Variants in SPICE1 observed in about 807,000 individuals in gnomAD.
SPICE1 encodes the protein spindle and centriole associated protein 1.
In SPICE1, 75 loss-of-function variants were observed where a neutral mutation model predicts 102.7. The ratio of observed to expected loss-of-function variants is 0.73; its 90% CI spans 0.61 to 0.88. The LOEUF is 0.88. SPICE1 is among the 40% of genes least tolerant of loss of function. The pLI is 0.00. For synonymous variants in SPICE1, 308 were observed against 350.3 expected (o/e 0.88, Z 1.35); for missense variants, 979 against 1,020.1 (o/e 0.96, Z 0.55).
intron 9 of SPICE1, 130 bp downstream of exon 9, chr3:113,468,632 T>C: frequency 8.6e-7 from 1 of 1,168,010 alleles, no homozygotes; most frequent in Non-Finnish European, 1.2e-6. Flanking sequence ...ATTTCTTAGC[T>C]ACCATTCAAT....
intron 14 of SPICE1, among the ~76,000 whole-genome samples, chr3:113,452,659 G>C (rs531170870): frequency 1.7e-4 from 26 of 150,808 alleles, no homozygotes; most frequent in African/African-American, 6.1e-4. Flanking sequence ...GCTCCAGCCT[G>C]AGCAACAGAG....
At chr3:113,480,282 A>G (rs11719925) in intron 7 of SPICE1, among the ~76,000 whole-genome samples, 11,344 of 152,082 alleles carry the variant, frequency 0.075, 603 homozygotes, top group Non-Finnish European at 0.11. Context: ...ATCAGCCTCA[A>G]AAAACAGATA....
At chr3:113,477,062 T>C (rs1576634619) in intron 7 of SPICE1, among the ~76,000 whole-genome samples, 1 of 151,632 alleles carries the variant, frequency 6.6e-6, no homozygotes, top group Admixed American at 6.6e-5. Flanking sequence ...ATCCAGAATC[T>C]ACAAAGAACT....
Position 113,453,856 on chromosome 3 carries a change from T to A in SPICE1, c.1752A>T (p.Leu584Phe), listed in dbSNP as rs974620288. 1 of 1,614,086 alleles carries A rather than the reference T, an allele frequency of 6.2e-7. No individual in the cohort carries two copies. Among genetic ancestry groups the A allele is most frequent in the Admixed American group, 1.7e-5 (1 of 60,012 alleles). Residue 584 changes from leucine to phenylalanine, a missense_variant, in exon 14 of 18, where the codon TTA becomes TTT. Physicochemically the swap from Leu to Phe is conservative, Grantham distance 22. Coordinates refer to ENST00000295872, the MANE Select transcript of SPICE1 (RefSeq NM_144718.4). ...AATTCTGAATGTCTGTATCAATAGG[T>A]AAGGTCTTCTCTTCCCAATTTTGTT... ...EKEQNWEEKT[L>F]PIDTDIQNSS...
At chr3:113,480,410 A>G (rs1182063724) in intron 7 of SPICE1, among the ~76,000 whole-genome samples, 1 of 152,164 alleles carries the variant, frequency 6.6e-6, no homozygotes, top group Non-Finnish European at 1.5e-5. Context: ...GCAGACACAA[A>G]AAAACTACAG....
Position 113,460,569 on chromosome 3 carries a change from G to C in SPICE1, c.1435+48C>G. ...TTTAAGGTTTGGTTTGTTATCTAAG[G>C]CCATTAAGTAGTCTAATGACAGTCT... is the stretch of plus-strand genomic sequence containing the variant. On this transcript the variant is annotated intron_variant, in intron 12 of 17. Coordinates refer to ENST00000295872, the MANE Select transcript of SPICE1 (RefSeq NM_144718.4). The C allele has an allele frequency of 1.9e-6, 3 of 1,551,384 alleles. No individual in the cohort carries two copies. The South Asian group carries it at 3.9e-5, about 20-fold the overall frequency.
At chr3:113,469,029 A>C in intron 8 of SPICE1, 70 bp downstream of exon 8, 1 of 1,567,776 alleles carries the variant, frequency 6.4e-7, no homozygotes, top group Non-Finnish European at 8.6e-7. Context: ...ACATTCCTTC[A>C]AAAATTACTG....
chr3:113,506,740 C>A, intron 1 of SPICE1, 135 bp from the exon 2 acceptor site: 1 of 631,702 alleles, frequency 1.6e-6, no homozygotes, highest in Non-Finnish European at 2.7e-6. Context: ...ATGAAAGGAA[C>A]AGCCTATCAA....
chr3:113,454,336 T>C (rs1254198559), intron 13 of SPICE1, among the ~76,000 whole-genome samples: 2 of 152,126 alleles, frequency 1.3e-5, no homozygotes, highest in Non-Finnish European at 2.9e-5. Flanking sequence ...ACATATGTAA[T>C]AGGAACTGAG....
intron 13 of SPICE1, among the ~76,000 whole-genome samples, chr3:113,456,621 G>A (rs1251917554): frequency 6.6e-6 from 1 of 152,142 alleles, no homozygotes; most frequent in Non-Finnish European, 1.5e-5. Context: ...AGCTGCAAGA[G>A]TAACTCTAAA....
At chr3:113,505,683 T>C (rs1937094556) in intron 2 of SPICE1, among the ~76,000 whole-genome samples, 1 of 152,192 alleles carries the variant, frequency 6.6e-6, no homozygotes, top group Non-Finnish European at 1.5e-5. Flanking sequence ...CGAGGATCGC[T>C]TGAGGCTAGG....
chr3:113,452,239 T>C (rs1249609619), intron 14 of SPICE1, among the ~76,000 whole-genome samples: 1 of 152,210 alleles, frequency 6.6e-6, no homozygotes, highest in Non-Finnish European at 1.5e-5. Context: ...ACTCAAAGCG[T>C]GGTCCTCAGA....
intron 7 of SPICE1, among the ~76,000 whole-genome samples, chr3:113,477,728 C>A (rs1225457790): frequency 7.2e-6 from 1 of 138,572 alleles, no homozygotes; most frequent in African/African-American, 2.7e-5. Flanking sequence ...TAGGTGGGAA[C>A]TGAACAATGA....
chr3:113,457,236 C>G lies in SPICE1; in HGVS notation c.1557G>C (p.Met519Ile). Reference sequence around the variant, plus strand: ...GTGCTGGAAAATTCTTGGCCAGATTCATGTTATCTGGAGGGTCTGGCACCT... The same window carrying G: ...GTGCTGGAAAATTCTTGGCCAGATTGATGTTATCTGGAGGGTCTGGCACCT... Reference protein sequence around the residue: ...LSQVPDPPDNMNLAKNFPAHI... With the variant: ...LSQVPDPPDNINLAKNFPAHI... The change falls in exon 13 of 18, where the codon ATG becomes ATC. Residue 519 changes from methionine to isoleucine, a missense_variant. Physicochemically the swap from Met to Ile is conservative, Grantham distance 10 (BLOSUM62 1). Transcript: ENST00000295872. 6.2e-7 allele frequency: 1 copy of G among 1,614,144 alleles called. No individual in the cohort carries two copies. The highest frequency in any genetic ancestry group is 8.5e-7 in the Non-Finnish European group (1 of 1,180,034).
intron 7 of SPICE1, among the ~76,000 whole-genome samples, chr3:113,485,176 G>GTTT (rs1422898555): frequency 1.4e-5 from 2 of 139,530 alleles, no homozygotes; most frequent in African/African-American, 2.6e-5. Flanking sequence ...AGTTTTGTTT[G>GTTT]TTTTTTTTTT....
At chr3:113,513,912 G>C (rs1937273235) in intron 1 of SPICE1, among the ~76,000 whole-genome samples, 1 of 152,200 alleles carries the variant, frequency 6.6e-6, no homozygotes, top group Non-Finnish European at 1.5e-5. Context: ...GAGTTTCTAA[G>C]AGGACCGCAA....
chr3:113,514,595 A>G (rs766834004), intron 1 of SPICE1: 4 of 461,506 alleles, frequency 8.7e-6, no homozygotes, highest in Non-Finnish European at 1.7e-5. Flanking sequence ...CTCTGCTTGG[A>G]ACACTCATTA....
Position 113,443,086 on chromosome 3 carries a change from A to G in SPICE1, c.*2221T>C, listed in dbSNP as rs1272430992. On this transcript the variant is annotated 3_prime_UTR_variant, in exon 18 of 18. Coordinates refer to ENST00000295872, the MANE Select transcript of SPICE1 (RefSeq NM_144718.4). Reference sequence around the variant, plus strand: ...CTTAAAAATTGGAAACATGGGGGAAATAGTGTATTTATTTATTTATATACC... The same window carrying G: ...CTTAAAAATTGGAAACATGGGGGAAGTAGTGTATTTATTTATTTATATACC... The G allele has an allele frequency of 6.6e-6, 1 of 152,240 alleles. No homozygotes were observed. The highest frequency in any genetic ancestry group is 2.4e-5 in the African/African-American group (1 of 41,472). The allele number at this position is 152,240 out of a possible 1,614,324, so 9.4% of individuals were successfully genotyped here.
chr3:113,455,240 A>G (rs141364692), intron 13 of SPICE1, among the ~76,000 whole-genome samples: 2 of 152,274 alleles, frequency 1.3e-5, no homozygotes, highest in Non-Finnish European at 2.9e-5. Context: ...GATGAATGGG[A>G]GATCAGAAAA....
Sources: allele counts gnomAD v4.1 joint callset (sites outside exome capture counted in the v4.1 genomes callset), GRCh38; gene constraint gnomAD v4.1.1; transcripts MANE v1.5; gene names NCBI Gene and HGNC (gene_info 2026-07-23, HGNC 2026-07-21).